Variants in HIVEP3 observed in about 807,000 individuals in gnomAD.
HIVEP3 encodes transcription factor HIVEP3.
A neutral mutation model predicts 152.8 loss-of-function variants in HIVEP3; 49 were observed. The observed-to-expected ratio is 0.32, with a 90% CI of 0.26 to 0.41. The LOEUF is 0.41. HIVEP3 is among the 10% of genes least tolerant of loss of function. HIVEP3 has a pLI of 1.00. For synonymous variants in HIVEP3, 1,269 were observed against 1,289.0 expected, an observed-to-expected ratio of 0.98 and a Z score of 0.33; for missense variants, 2,790 against 3,103.3, an observed-to-expected ratio of 0.90 and a Z score of 2.40.
At chr1:41,647,308 G>A (rs1645475129) in intron 2 of HIVEP3, among the ~76,000 whole-genome samples, 1 of 152,214 alleles carries the variant, frequency 6.6e-6, no homozygotes, top group Admixed American at 6.5e-5. Context: ...GGTGGCCCAG[G>A]ATGAGAGAGA....
chr1:41,610,423 C>T (rs985062066), intron 3 of HIVEP3, among the ~76,000 whole-genome samples: 4 of 152,214 alleles, frequency 2.6e-5, no homozygotes, highest in African/African-American at 9.6e-5. Flanking sequence ...CCATTACATC[C>T]CTAGGTGGGT....
At chr1:41,687,591 T>C (rs1021163603) in intron 2 of HIVEP3, among the ~76,000 whole-genome samples, 11 of 152,224 alleles carry the variant, frequency 7.2e-5, no homozygotes, top group African/African-American at 2.4e-4. Context: ...TGAAGGCCTC[T>C]GGGCCTGGCC....
intron 3 of HIVEP3, among the ~76,000 whole-genome samples, chr1:41,611,893 G>T (rs1399317497): frequency 6.6e-6 from 1 of 152,152 alleles, no homozygotes; most frequent in African/African-American, 2.4e-5. Context: ...CCTGAGGTCG[G>T]CTCACCCCAG....
intron 5 of HIVEP3, among the ~76,000 whole-genome samples, chr1:41,549,914 A>G (rs1428121717): frequency 3.9e-5 from 6 of 152,094 alleles, no homozygotes; most frequent in Non-Finnish European, 7.4e-5. Context: ...TTTTGTTGCC[A>G]TTGCTTTTGG....
chr1:42,027,233 A>G (rs1473024780), intron 1 of HIVEP3, among the ~76,000 whole-genome samples: 3 of 152,212 alleles, frequency 2.0e-5, no homozygotes, highest in Admixed American at 6.5e-5. Context: ...AATTCTGTCA[A>G]TGCTACCTTC....
chr1:41,837,158 G>C (rs1643148540), intron 1 of HIVEP3, among the ~76,000 whole-genome samples: 1 of 152,032 alleles, frequency 6.6e-6, no homozygotes, highest in Non-Finnish European at 1.5e-5. Flanking sequence ...ATTTGCACCT[G>C]CTCTTCCTAC....
chr1:41,801,941 CA>C (rs1372660154), intron 1 of HIVEP3, among the ~76,000 whole-genome samples: 8 of 152,078 alleles, frequency 5.3e-5, no homozygotes, highest in Admixed American at 5.2e-4. Context: ...GAGTGGGGGG[CA>C]GGGGAGAGGC....
At chr1:41,960,772 A>G (rs603288) in intron 1 of HIVEP3, among the ~76,000 whole-genome samples, 8,072 of 152,190 alleles carry the variant, frequency 0.053, 751 homozygotes, top group African/African-American at 0.18. Context: ...ACGAAGTGCT[A>G]AAGGCATATG....
chr1:41,713,197 C>T (rs928848237), intron 1 of HIVEP3, among the ~76,000 whole-genome samples: 1 of 152,192 alleles, frequency 6.6e-6, no homozygotes, highest in Non-Finnish European at 1.5e-5. Flanking sequence ...CCTCCCACCC[C>T]CGATCTGCGC....
chr1:41,975,878 A>T (rs1340362429), intron 1 of HIVEP3, among the ~76,000 whole-genome samples: 3 of 152,206 alleles, frequency 2.0e-5, no homozygotes, highest in Admixed American at 1.3e-4. Context: ...AGATTCATCC[A>T]GGAGTGGGTG....
intron 1 of HIVEP3, among the ~76,000 whole-genome samples, chr1:41,742,672 CTTGCAG>C (rs1647014221): frequency 6.6e-6 from 1 of 152,220 alleles, no homozygotes; most frequent in Non-Finnish European, 1.5e-5. Flanking sequence ...CTGTGTGGGG[CTTGCAG>C]TTGATTGTAC....
At chr1:41,527,511 ACC>A (rs1558030043) in intron 5 of HIVEP3, among the ~76,000 whole-genome samples, 4 of 65,688 alleles carry the variant, frequency 6.1e-5, no homozygotes, top group Non-Finnish European at 6.9e-5. Context: ...ACACTCACAC[ACC>A]CCCGCCCTCA....
chr1:41,889,583 T>A (rs1268148157), intron 1 of HIVEP3, among the ~76,000 whole-genome samples: 1 of 152,220 alleles, frequency 6.6e-6, no homozygotes, highest in Admixed American at 6.5e-5. Context: ...ACTCTAGCCC[T>A]TTTAATGGGC....
Position 41,704,200 on chromosome 1 carries a change from C to A in HIVEP3, c.-800-3205G>T, listed in dbSNP as rs557925891. On this transcript the variant is annotated intron_variant, in intron 1 of 8. Coordinates refer to ENST00000372583, the MANE Select transcript of HIVEP3 (RefSeq NM_024503.5). ...GATCAACAGCAGCTCATCCTATGGG[C>A]CAACTTGTTCTGTGCTAAGCATCGC... 1.7e-3 allele frequency among the ~76,000 whole-genome samples: 257 copies of A among 152,320 alleles called. 1 individual carries two copies. Among genetic ancestry groups the A allele is most frequent in the African/African-American group, 3.1e-3 (127 of 41,574 alleles).
chr1:41,662,351 G>A lies in HIVEP3; in HGVS notation c.-720-33404C>T. Reference sequence around the variant, plus strand: ...GCTGGCGGGCGGGCGCCGGCGGCGGGCGCGGCTCCGGGCCGCCCCGCGGCC... The same window carrying A: ...GCTGGCGGGCGGGCGCCGGCGGCGGACGCGGCTCCGGGCCGCCCCGCGGCC... On this transcript the variant is annotated intron_variant, in intron 2 of 8. Transcript: ENST00000372583. The surrounding 1 kb of genome is among the most constrained non-coding windows in gnomAD (Gnocchi z 7.2). 1 of 145,832 alleles carries A rather than the reference G, an allele frequency of 6.9e-6. No individual in the cohort carries two copies. The highest frequency in any genetic ancestry group is 2.0e-4 in the East Asian group (1 of 5,028). 9.0% of individuals were successfully genotyped at this position (145,832 alleles called of 1,614,324 possible). A position where few individuals can be genotyped will look rare whatever the true frequency, so the allele number is the denominator to read the frequency against.
At chr1:41,806,954 C>T (rs1558286485) in intron 1 of HIVEP3, among the ~76,000 whole-genome samples, 1 of 152,146 alleles carries the variant, frequency 6.6e-6, no homozygotes, top group Non-Finnish European at 1.5e-5. Flanking sequence ...TGGGATGAGT[C>T]ATCATTAGGT....
chr1:41,776,168 CGT>C lies in HIVEP3; in HGVS notation c.-800-75175_-800-75174del, dbSNP rs1558259716. Reference sequence around the variant, plus strand: ...AAGAGGCTGCCAAGCAGGCCCTGCCCGTGCAGTCCATAAAAGAAAATCTTGTG... The same window carrying C: ...AAGAGGCTGCCAAGCAGGCCCTGCCCGCAGTCCATAAAAGAAAATCTTGTG... On this transcript the variant is annotated intron_variant, in intron 1 of 8. Coordinates refer to ENST00000372583, the MANE Select transcript of HIVEP3 (RefSeq NM_024503.5). Among the ~76,000 whole-genome samples, 5 of 152,198 alleles carry C rather than the reference CGT, an allele frequency of 3.3e-5. No homozygotes were observed. In the South Asian group the frequency reaches 1.0e-3, roughly 32 times the overall value.
At chr1:41,890,273 C>T (rs1314709920) in intron 1 of HIVEP3, among the ~76,000 whole-genome samples, 1 of 152,106 alleles carries the variant, frequency 6.6e-6, no homozygotes, top group Non-Finnish European at 1.5e-5. Flanking sequence ...ACAGAGACAA[C>T]CAAACATAGC....
chr1:41,742,543 A>G (rs1647012998), intron 1 of HIVEP3, among the ~76,000 whole-genome samples: 1 of 152,182 alleles, frequency 6.6e-6, no homozygotes. Flanking sequence ...TCTCGTGAAT[A>G]CTTATTCCTT....
Sources: gnomAD v4.1 joint callset for allele counts (sites outside exome capture counted in the v4.1 genomes callset) on GRCh38, gnomAD v4.1.1 for gene constraint, Gnocchi (gnomAD v3.1) non-coding constraint, MANE v1.5 for transcripts, NCBI Gene and HGNC (gene_info 2026-07-23, HGNC 2026-07-21) for gene names.